Variants in NCLN observed in about 807,000 individuals in gnomAD.
The protein encoded by NCLN is nicalin, also known as BOS complex subunit NCLN.
NCLN carries 34 observed loss-of-function variants against 69.5 expected under a neutral mutation model. The observed-to-expected ratio is 0.49, with a 90% confidence interval of 0.37 to 0.65. The LOEUF is 0.65. Ranked by LOEUF, NCLN falls within the 30% of genes least tolerant of loss-of-function variation. The pLI, the probability that NCLN is intolerant of heterozygous loss-of-function variation, is 0.00. For missense variants in NCLN, 710 were observed against 804.8 expected (o/e 0.88, Z 1.42); for synonymous variants, 393 against 358.3 (o/e 1.10, Z -1.09).
intron 3 of NCLN, among the ~76,000 whole-genome samples, chr19:3,194,099 A>G (rs1316318360): frequency 2.6e-5 from 4 of 152,252 alleles, no homozygotes; most frequent in Non-Finnish European, 5.9e-5. Flanking sequence ...CCCAGCCCCA[A>G]CAAAAACAGT....
At chr19:3,187,402 C>T (rs1035303181) in intron 1 of NCLN, among the ~76,000 whole-genome samples, 1 of 152,156 alleles carries the variant, frequency 6.6e-6, no homozygotes, top group African/African-American at 2.4e-5. Context: ...TCTCCTGGCC[C>T]CCTTAGTTCC....
chr19:3,204,068 G>A lies in NCLN; in HGVS notation c.953G>A (p.Ser318Asn). 6.4e-7 allele frequency: 1 copy of A among 1,564,190 alleles called. No individual in the cohort carries two copies. The highest frequency in any genetic ancestry group is 8.7e-7 in the Non-Finnish European group (1 of 1,154,886). ...VLCLDTVGRG[S>N]SLHLHVSKPP... ...TGCCTGGACACCGTGGGCCGGGGCA[G>A]CAGCCTGCACCTGCACGTGTCCAAG... Residue 318 changes from serine to asparagine, a missense_variant, in exon 8 of 15, where the codon AGC (serine) becomes AAC (asparagine). Physicochemically the swap from Ser to Asn is conservative, Grantham distance 46. Transcript: ENST00000246117.
In NCLN at chr19:3,208,066, G is replaced by A. The variant is rs1183881384; in HGVS notation, c.*378G>A. 9 of 240,080 alleles carry A rather than the reference G, an allele frequency of 3.7e-5. No individual in the cohort carries two copies. Among genetic ancestry groups the A allele is most frequent in the South Asian group, 6.0e-5 (1 of 16,664 alleles). The allele number at this position is 240,080 out of a possible 1,614,324, so 14.9% of individuals were successfully genotyped here. A position where few individuals can be genotyped will look rare whatever the true frequency, so the allele number is the denominator to read the frequency against. ...CGATCGCGCGCGGCCTCCGCCCACC[G>A]CCTCCTGCCGCAAGGGGCCTGGACT... On this transcript the variant is annotated 3_prime_UTR_variant, in exon 15 of 15. Transcript: ENST00000246117.
intron 1 of NCLN, among the ~76,000 whole-genome samples, chr19:3,190,155 C>G (rs946041770): frequency 1.3e-5 from 2 of 152,152 alleles, no homozygotes; most frequent in Non-Finnish European, 2.9e-5. Context: ...GAGGGGTGCT[C>G]CCAGCACTGC....
Position 3,209,103 on chromosome 19 carries a change from T to C in NCLN, c.*1415T>C, listed in dbSNP as rs540727759. The stretch of plus-strand genomic sequence containing the variant: ...TGTCCGAAGGACCTGGGCCGGCCCA[T>C]GGGAGCCTGGGGTTCTGTCCAGATA... On this transcript the variant is annotated 3_prime_UTR_variant, in exon 15 of 15. Coordinates refer to ENST00000246117, the MANE Select transcript of NCLN (RefSeq NM_020170.4). 20 of 152,380 alleles carry C rather than the reference T, an allele frequency of 1.3e-4. No individual in the cohort carries two copies. Among genetic ancestry groups the C allele is most frequent in the African/African-American group, 4.8e-4 (20 of 41,580 alleles). 9.4% of individuals were successfully genotyped at this position (152,380 alleles called of 1,614,324 possible).
intron 1 of NCLN, among the ~76,000 whole-genome samples, chr19:3,187,075 C>T (rs549825416): frequency 3.9e-5 from 6 of 152,288 alleles, no homozygotes; most frequent in African/African-American, 1.4e-4. Flanking sequence ...CATACCCACG[C>T]CCTCAGCTCA....
chr19:3,196,332 C>T (rs948112593), intron 4 of NCLN, 55 bp downstream of exon 4: 27 of 1,322,200 alleles, frequency 2.0e-5, no homozygotes, highest in Middle Eastern at 1.9e-4. Flanking sequence ...TCCTGCCATC[C>T]GCCTGGCTCC....
chr19:3,207,335 G>C, intron 13 of NCLN, 56 bp from the exon 14 acceptor site: 1 of 1,612,436 alleles, frequency 6.2e-7, no homozygotes, highest in Non-Finnish European at 8.5e-7. Context: ...GGGTCTAGGG[G>C]TTCATGTTAC....
chr19:3,194,354 G>A (rs1303766827), intron 3 of NCLN, among the ~76,000 whole-genome samples: 1 of 152,162 alleles, frequency 6.6e-6, no homozygotes, highest in Non-Finnish European at 1.5e-5. Flanking sequence ...TTGCACTCCA[G>A]CCTGGGCAAC....
chr19:3,186,741 G>T (rs771024069), intron 1 of NCLN, among the ~76,000 whole-genome samples: 5 of 152,148 alleles, frequency 3.3e-5, no homozygotes, highest in Non-Finnish European at 5.9e-5. Context: ...ACTGCGTTTG[G>T]AGTTAAAGGT....
chr19:3,207,647 A>G lies in NCLN; in HGVS notation c.1651A>G (p.Lys551Glu), dbSNP rs1459900785. ...TCCCCAGCACTTCAGCCTCCTCTAC[A>G]AGACCGTCCAGAGGCTGCTCGTGAA... ...VAVQHFSLLY[K>E]TVQRLLVKAK... The change falls in exon 15 of 15, where the codon AAG becomes GAG. Residue 551 changes from lysine to glutamate, a missense_variant. Physicochemically the swap from Lys to Glu is moderately conservative, Grantham distance 56. Coordinates refer to ENST00000246117, the MANE Select transcript of NCLN (RefSeq NM_020170.4). 1.2e-6 allele frequency: 2 copies of G among 1,612,904 alleles called. No homozygotes were observed. The highest frequency in any genetic ancestry group is 1.3e-5 in the African/African-American group (1 of 75,040).
At position 3,206,378 on chromosome 19, in the gene NCLN, C is replaced by G. The variant is rs1412810726; in HGVS notation, c.1452C>G (p.Ser484Arg). 5 of 1,548,254 alleles carry G rather than the reference C, an allele frequency of 3.2e-6. No individual in the cohort carries two copies. Among genetic ancestry groups the G allele is most frequent in the Non-Finnish European group, 3.5e-6 (4 of 1,146,952 alleles). Residue 484 changes from serine to arginine, a missense_variant, in exon 12 of 15, where the codon AGC becomes AGG. Transcript: ENST00000246117. Reference sequence around the variant, plus strand: ...TCAGCACGCTGGAGCACCACCTGAGCCGCTACCTGAAGGACGTGAAGCAGC... The same window carrying G: ...TCAGCACGCTGGAGCACCACCTGAGGCGCTACCTGAAGGACGTGAAGCAGC... ...TFLSTLEHHL[S>R]RYLKDVKQHH... is the part of the protein sequence containing the mutation.
chr19:3,200,240 C>G (rs551958166), intron 5 of NCLN, among the ~76,000 whole-genome samples: 1 of 151,674 alleles, frequency 6.6e-6, no homozygotes, highest in Non-Finnish European at 1.5e-5. Flanking sequence ...TGAGCCACCG[C>G]GCCCACTGCC....
intron 1 of NCLN, among the ~76,000 whole-genome samples, chr19:3,187,596 G>A (rs187135788): frequency 2.0e-5 from 3 of 152,324 alleles, no homozygotes; most frequent in Non-Finnish European, 4.4e-5. Context: ...GTTGTCAACC[G>A]AGGGGACGCT....
intron 1 of NCLN, among the ~76,000 whole-genome samples, chr19:3,188,288 T>C (rs548906474): frequency 8.2e-4 from 125 of 151,844 alleles, no homozygotes; most frequent in African/African-American, 2.8e-3. Flanking sequence ...AGGGAATGCA[T>C]GTTGGCGGCT....
Position 3,201,504 on chromosome 19 carries a change from G to T in NCLN, c.697-19G>T, listed in dbSNP as rs779263280. ...GCCGGGCGGGGGTGACTGTGGCCTT[G>T]CCTCTCCCGTCCCTGTAGTGGCTGT... On this transcript the variant is annotated intron_variant, in intron 5 of 14. Coordinates refer to ENST00000246117, the MANE Select transcript of NCLN (RefSeq NM_020170.4). The T allele has an allele frequency of 1.3e-5, 20 of 1,537,406 alleles. No individual in the cohort carries two copies. The highest frequency in any genetic ancestry group is 1.7e-5 in the Non-Finnish European group (20 of 1,145,488).
Position 3,207,691 on chromosome 19 carries a change from C to T in NCLN, c.*3C>T. ...TCGTGAAGGCCAAGACACAGTGACA[C>T]AGCCACCCCCACAGCCGGAGCCCCC... On this transcript the variant is annotated 3_prime_UTR_variant, in exon 15 of 15. Transcript: ENST00000246117. 1.2e-6 allele frequency: 2 copies of T among 1,611,062 alleles called. No individual in the cohort carries two copies. Among genetic ancestry groups the T allele is most frequent in the East Asian group, 2.2e-5 (1 of 44,870 alleles).
chr19:3,204,884 C>G, intron 9 of NCLN, 133 bp downstream of exon 9: 1 of 1,008,658 alleles, frequency 9.9e-7, no homozygotes, highest in Non-Finnish European at 1.3e-6. Flanking sequence ...GGGGCCGGTG[C>G]GTGGCCAAGG....
At position 3,205,197 on chromosome 19, in the gene NCLN, G is replaced by A. The variant is rs183676280; in HGVS notation, c.1208+446G>A. On this transcript the variant is annotated intron_variant, in intron 9 of 14. Transcript: ENST00000246117. This position sits in a 1 kb window ranked among gnomAD's most constrained non-coding sequence, Gnocchi z 4.6. ...TGTCCTCTGACCCTGTGTCCTGCCCGTCTCTCTGCCATCATGTGAGCCCCT... is the reference window on the plus strand; with the variant it reads ...TGTCCTCTGACCCTGTGTCCTGCCCATCTCTCTGCCATCATGTGAGCCCCT... Among the ~76,000 whole-genome samples, 14 of 152,276 alleles carry A rather than the reference G, an allele frequency of 9.2e-5. No homozygotes were observed. Among genetic ancestry groups the A allele is most frequent in the Admixed American group, 2.0e-4 (3 of 15,292 alleles).
Sources: gnomAD v4.1 joint callset for allele counts (sites outside exome capture counted in the v4.1 genomes callset) on GRCh38, gnomAD v4.1.1 for gene constraint, Gnocchi (gnomAD v3.1) non-coding constraint, MANE v1.5 for transcripts, NCBI Gene and HGNC (gene_info 2026-07-23, HGNC 2026-07-21) for gene names.